Variants in GALNT13 observed in about 807,000 individuals in gnomAD.
GALNT13 encodes polypeptide N-acetylgalactosaminyltransferase 13.
Under a neutral mutation model 64.2 loss-of-function variants are expected in GALNT13, and 28 were observed. The observed-to-expected ratio is 0.44, with a 90% CI of 0.32 to 0.60. GALNT13 has a LOEUF of 0.60. Ranked by LOEUF, GALNT13 falls within the 20% of genes least tolerant of loss-of-function variation. The pLI is 0.05. For missense variants in GALNT13, 577 were observed against 669.8 expected (o/e 0.86, Z 1.53); for synonymous variants, 214 against 224.6 (o/e 0.95, Z 0.42).
intron 4 of GALNT13, among the ~76,000 whole-genome samples, chr2:154,199,992 T>G (rs1687086365): frequency 6.6e-6 from 1 of 152,032 alleles, no homozygotes; most frequent in Non-Finnish European, 1.5e-5. Flanking sequence ...ATGTTCCATA[T>G]AGACTCCTCA....
intron 3 of GALNT13, among the ~76,000 whole-genome samples, chr2:154,133,399 A>G (rs571274918): frequency 1.3e-5 from 2 of 151,718 alleles, no homozygotes; most frequent in Non-Finnish European, 2.9e-5. Flanking sequence ...GTGTCCACAC[A>G]TTTTCATTGT....
chr2:153,720,682 G>A, the GALNT13 span, among the ~76,000 whole-genome samples: 180 of 151,156 alleles, frequency 1.2e-3, no homozygotes, highest in South Asian at 8.7e-3. Flanking sequence ...CTCAGGAGCC[G>A]ATGCGATCAA....
chr2:154,056,454 A>G (rs1343941668), intron 3 of GALNT13, among the ~76,000 whole-genome samples: 1 of 152,210 alleles, frequency 6.6e-6, no homozygotes, highest in East Asian at 1.9e-4. Context: ...TTTAAATGCC[A>G]TGATAACTTC....
At chr2:153,771,465 G>A in the GALNT13 span, among the ~76,000 whole-genome samples, 1 of 152,088 alleles carries the variant, frequency 6.6e-6, no homozygotes, top group African/African-American at 2.4e-5. Context: ...CCAAAAACCT[G>A]GAGATATATC....
the GALNT13 span, among the ~76,000 whole-genome samples, chr2:153,497,521 C>CTTTTT: frequency 2.0e-4 from 11 of 54,742 alleles, no homozygotes; most frequent in East Asian, 3.8e-4. Flanking sequence ...GTTTCTCCCG[C>CTTTTT]ATTTTTTTTT....
At chr2:153,841,934 C>A in the GALNT13 span, among the ~76,000 whole-genome samples, 1 of 151,992 alleles carries the variant, frequency 6.6e-6, no homozygotes, top group African/African-American at 2.4e-5. Context: ...GTTAGAGTTC[C>A]AGCTTGTTGG....
At chr2:153,793,398 A>C in the GALNT13 span, among the ~76,000 whole-genome samples, 1 of 152,138 alleles carries the variant, frequency 6.6e-6, no homozygotes, top group Non-Finnish European at 1.5e-5. Flanking sequence ...TTCTCTTTAC[A>C]ATCCAAACCC....
At chr2:154,317,532 A>G (rs938814175) in intron 9 of GALNT13, among the ~76,000 whole-genome samples, 1 of 152,218 alleles carries the variant, frequency 6.6e-6, no homozygotes, top group Admixed American at 6.5e-5. Flanking sequence ...AAACTTATAT[A>G]TCAATGAATA....
chr2:153,827,239 C>A, the GALNT13 span, among the ~76,000 whole-genome samples: 2 of 152,044 alleles, frequency 1.3e-5, no homozygotes, highest in Non-Finnish European at 2.9e-5. Flanking sequence ...ATGAGAACAG[C>A]ACAGGAAAGA....
the GALNT13 span, among the ~76,000 whole-genome samples, chr2:153,856,586 C>T: frequency 7.2e-3 from 1,102 of 152,072 alleles, 8 homozygotes; most frequent in Middle Eastern, 0.014. Flanking sequence ...GAGGTAAATC[C>T]GAACTGAATG....
chr2:153,522,433 A>G, the GALNT13 span, among the ~76,000 whole-genome samples: 1 of 152,158 alleles, frequency 6.6e-6, no homozygotes, highest in African/African-American at 2.4e-5. Flanking sequence ...GAGTAAGTTT[A>G]GTTTTGTAAG....
intron 3 of GALNT13, among the ~76,000 whole-genome samples, chr2:154,042,858 T>A (rs1699060153): frequency 1.3e-5 from 2 of 152,154 alleles, no homozygotes; most frequent in South Asian, 4.1e-4. Flanking sequence ...ACATACTGTT[T>A]GCCCCGGGGA....
the GALNT13 span, among the ~76,000 whole-genome samples, chr2:153,621,951 T>C: frequency 6.6e-6 from 1 of 152,006 alleles, no homozygotes; most frequent in East Asian, 1.9e-4. Context: ...CAGCTTTACA[T>C]TAATTAGAGG....
intron 3 of GALNT13, among the ~76,000 whole-genome samples, chr2:154,120,331 T>C (rs1681868498): frequency 6.6e-6 from 1 of 152,358 alleles, no homozygotes; most frequent in East Asian, 1.9e-4. Flanking sequence ...GCAATTCTGC[T>C]CTTTGCAATC....
chr2:154,066,883 T>C (rs1156984920), intron 3 of GALNT13, among the ~76,000 whole-genome samples: 2 of 151,918 alleles, frequency 1.3e-5, no homozygotes, highest in Admixed American at 1.3e-4. Context: ...ATATCTTAAG[T>C]AGAAAGATAA....
chr2:153,326,781 A>G, the GALNT13 span, among the ~76,000 whole-genome samples: 2 of 152,160 alleles, frequency 1.3e-5, no homozygotes, highest in Non-Finnish European at 2.9e-5. Flanking sequence ...TGGGTTGAAA[A>G]TTCTTTTCTT....
At chr2:153,876,232 C>CACACACACACACAT (rs1166052542) in intron 1 of GALNT13, among the ~76,000 whole-genome samples, 12 of 151,624 alleles carry the variant, frequency 7.9e-5, no homozygotes, top group African/African-American at 2.9e-4. Context: ...CACACACACA[C>CACACACACACACAT]ACATACACAC....
At chr2:153,283,694 C>A in the GALNT13 span, among the ~76,000 whole-genome samples, 5 of 151,756 alleles carry the variant, frequency 3.3e-5, no homozygotes, top group Admixed American at 2.0e-4. Flanking sequence ...GAGATCTGCT[C>A]GGGCATGGAT....
chr2:153,403,122 A>C, the GALNT13 span, among the ~76,000 whole-genome samples: 119 of 151,410 alleles, frequency 7.9e-4, 1 homozygote, highest in South Asian at 4.2e-3. Flanking sequence ...GATGTCCTTT[A>C]TGTTTGTTAG....
Sources: gnomAD v4.1 joint callset for allele counts (sites outside exome capture counted in the v4.1 genomes callset) on GRCh38, gnomAD v4.1.1 for gene constraint, MANE v1.5 for transcripts, NCBI Gene and HGNC (gene_info 2026-07-23, HGNC 2026-07-21) for gene names.